DNAJC5B: variants seen among roughly 807,000 people sequenced by gnomAD.
The protein encoded by DNAJC5B is DnaJ heat shock protein family (Hsp40) member C5 beta.
A neutral mutation model predicts 24.7 loss-of-function variants in DNAJC5B; 23 were observed. That is an observed-to-expected ratio of 0.93 (90% CI 0.67 to 1.32). DNAJC5B has a LOEUF of 1.32. Among genes scored for constraint, DNAJC5B ranks in the 40% most tolerant of loss-of-function variants. DNAJC5B has a pLI of 0.00. For synonymous variants in DNAJC5B, 101 were observed against 90.1 expected (o/e 1.12, Z -0.68); for missense variants, 238 against 240.8 (o/e 0.99, Z 0.08).
At chr8:66,018,841 C>T (rs1316735456), upstream of DNAJC5B, among the ~76,000 whole-genome samples, 1 of 152,172 alleles carries the variant, frequency 6.6e-6, no homozygotes, top group East Asian at 1.9e-4. Context: ...ACAAAATTAG[C>T]ATTTCCCCCC....
intron 3 of DNAJC5B, among the ~76,000 whole-genome samples, chr8:66,064,358 T>TG (rs765595577): frequency 6.6e-6 from 1 of 152,172 alleles, no homozygotes; most frequent in Non-Finnish European, 1.5e-5. Flanking sequence ...GCTTTGTCAC[T>TG]GGAACTTAAG....
chr8:66,070,297 T>G (rs1196749910), intron 3 of DNAJC5B, among the ~76,000 whole-genome samples: 1 of 152,224 alleles, frequency 6.6e-6, no homozygotes, highest in Non-Finnish European at 1.5e-5. Flanking sequence ...CATGATTGTA[T>G]ATTTAGAAAA....
chr8:66,064,954 TA>T (rs751716216), intron 3 of DNAJC5B, among the ~76,000 whole-genome samples: 1 of 152,190 alleles, frequency 6.6e-6, no homozygotes. Context: ...AAAGCTACCT[TA>T]AAAAAAGATT....
chr8:66,058,026 A>G (rs537741142), intron 3 of DNAJC5B: 2 of 152,336 alleles, frequency 1.3e-5, no homozygotes, highest in East Asian at 3.9e-4. Context: ...ACAAAAGACT[A>G]TCCTTTTCCT....
intron 5 of DNAJC5B, among the ~76,000 whole-genome samples, chr8:66,094,621 A>AT (rs978113575): frequency 6.6e-6 from 1 of 151,308 alleles, no homozygotes; most frequent in African/African-American, 2.4e-5. Context: ...ATCATTTTTT[A>AT]TTTTTTTTAA....
intron 5 of DNAJC5B, among the ~76,000 whole-genome samples, chr8:66,083,296 C>T (rs943134261): frequency 6.6e-6 from 1 of 151,912 alleles, no homozygotes; most frequent in African/African-American, 2.4e-5. Flanking sequence ...CAGGTGTGAG[C>T]CACCACACCT....
intron 1 of DNAJC5B, among the ~76,000 whole-genome samples, chr8:66,036,062 A>G (rs1324005715): frequency 6.6e-6 from 1 of 152,194 alleles, no homozygotes. Flanking sequence ...GAACTTTTTC[A>G]AATTGGAAAG....
intron 3 of DNAJC5B, among the ~76,000 whole-genome samples, chr8:66,065,881 AG>A (rs951349512): frequency 6.6e-6 from 1 of 152,160 alleles, no homozygotes; most frequent in African/African-American, 2.4e-5. Flanking sequence ...TATGTCATCC[AG>A]CAGCATGGCA....
At chr8:66,088,215 C>T (rs1175080570) in intron 5 of DNAJC5B, among the ~76,000 whole-genome samples, 1 of 152,230 alleles carries the variant, frequency 6.6e-6, no homozygotes, top group African/African-American at 2.4e-5. Context: ...GAAGCAATAG[C>T]CTTAGCTGTA....
intron 2 of DNAJC5B, among the ~76,000 whole-genome samples, chr8:66,045,011 T>C (rs1405577934): frequency 6.6e-6 from 1 of 152,232 alleles, no homozygotes; most frequent in South Asian, 2.1e-4. Context: ...ATAACATCTT[T>C]ACAGTCATTA....
At chr8:66,049,364 C>T (rs1013195221) in intron 2 of DNAJC5B, among the ~76,000 whole-genome samples, 1 of 152,206 alleles carries the variant, frequency 6.6e-6, no homozygotes, top group African/African-American at 2.4e-5. Context: ...GAACAACTTC[C>T]AGTCCTTTGA....
At chr8:66,078,695 T>C (rs1456847221) in intron 4 of DNAJC5B, among the ~76,000 whole-genome samples, 2 of 152,146 alleles carry the variant, frequency 1.3e-5, no homozygotes, top group Non-Finnish European at 2.9e-5. Flanking sequence ...GCGGGTGTTG[T>C]AGTTGTTTAC....
At chr8:66,083,011 T>TC (rs1807634181) in intron 5 of DNAJC5B, among the ~76,000 whole-genome samples, 1 of 138,204 alleles carries the variant, frequency 7.2e-6, no homozygotes, top group African/African-American at 2.7e-5. Flanking sequence ...TTCTTTTTTT[T>TC]TTTTTTTTTT....
At chr8:66,080,126 C>A (rs941332496) in intron 4 of DNAJC5B, among the ~76,000 whole-genome samples, 1 of 152,150 alleles carries the variant, frequency 6.6e-6, no homozygotes, top group Non-Finnish European at 1.5e-5. Context: ...GAAGGCCATA[C>A]TTTATTACTT....
intron 3 of DNAJC5B, among the ~76,000 whole-genome samples, chr8:66,063,938 A>G (rs1461148735): frequency 6.6e-6 from 1 of 152,080 alleles, no homozygotes; most frequent in Non-Finnish European, 1.5e-5. Context: ...TCTGGTTTGC[A>G]TGGTTGTGCA....
chr8:66,064,176 G>A (rs757660467), intron 3 of DNAJC5B, among the ~76,000 whole-genome samples: 11 of 152,184 alleles, frequency 7.2e-5, no homozygotes, highest in Non-Finnish European at 1.5e-4. Flanking sequence ...TAAAAAGTGA[G>A]TTTGGGGAAA....
intron 3 of DNAJC5B, among the ~76,000 whole-genome samples, chr8:66,059,141 T>C (rs1807027973): frequency 6.6e-6 from 1 of 152,252 alleles, no homozygotes; most frequent in Non-Finnish European, 1.5e-5. Context: ...GCCTTTAGTA[T>C]TGCAGAGCAT....
intron 3 of DNAJC5B, among the ~76,000 whole-genome samples, chr8:66,062,878 C>A (rs529859264): frequency 6.6e-6 from 1 of 152,250 alleles, no homozygotes; most frequent in South Asian, 2.1e-4. Flanking sequence ...GGCTTGGTGG[C>A]ATGTGCCTGT....
rs768737053 is a variant in DNAJC5B at position 66,051,704 on chromosome 8, T to C, written c.119+38T>C. ...ATGGTGACATTTCTTCTGCTACTAG[T>C]GAGTTATTTTGTGACTGGCAGATTC... On this transcript the variant is annotated intron_variant, in intron 3 of 5. Coordinates refer to ENST00000276570, the MANE Select transcript of DNAJC5B (RefSeq NM_033105.6). 4.0e-6 allele frequency: 6 copies of C among 1,483,898 alleles called. No individual in the cohort carries two copies. The African/African-American group carries it at 8.4e-5, about 21-fold the overall frequency. 91.9% of individuals were successfully genotyped at this position (1,483,898 alleles called of 1,614,324 possible).
Sources: allele counts gnomAD v4.1 joint callset (sites outside exome capture counted in the v4.1 genomes callset), GRCh38; gene constraint gnomAD v4.1.1; transcripts MANE v1.5; gene names NCBI Gene and HGNC (gene_info 2026-07-23, HGNC 2026-07-21).